SRPK2: variants seen among roughly 807,000 people sequenced by gnomAD.
SRPK2 encodes the protein SRSF protein kinase 2.
Under a neutral mutation model 90.8 loss-of-function variants are expected in SRPK2, and 21 were observed. That is an observed-to-expected ratio of 0.23 (90% CI 0.16 to 0.33). The LOEUF (loss-of-function observed/expected upper bound fraction) is 0.33. Ranked by LOEUF, SRPK2 falls within the 10% of genes least tolerant of loss-of-function variation. The pLI, the probability that SRPK2 is intolerant of heterozygous loss-of-function variation, is 1.00. For synonymous variants in SRPK2, 288 were observed against 311.1 expected, an observed-to-expected ratio of 0.93 and a Z score of 0.78; for missense variants, 620 against 869.0, an observed-to-expected ratio of 0.71 and a Z score of 3.60.
intron 2 of SRPK2, chr7:105,244,743 G>A: frequency 9.2e-7 from 1 of 1,089,434 alleles, no homozygotes; most frequent in Non-Finnish European, 1.4e-6. Context: ...CGCCGCCGCG[G>A]GCGTCTGACC....
chr7:105,207,343 T>C (rs1393055736), intron 2 of SRPK2, among the ~76,000 whole-genome samples: 1 of 152,096 alleles, frequency 6.6e-6, no homozygotes, highest in Non-Finnish European at 1.5e-5. Context: ...GCTTCTAGAG[T>C]ACTGCAAAGC....
chr7:105,213,326 T>C (rs1013959100), intron 2 of SRPK2, among the ~76,000 whole-genome samples: 6 of 152,182 alleles, frequency 3.9e-5, no homozygotes, highest in Non-Finnish European at 8.8e-5. Context: ...TTGCTTGATA[T>C]ATAAAATCTA....
At chr7:105,241,549 A>G (rs953560882) in intron 2 of SRPK2, among the ~76,000 whole-genome samples, 2 of 152,196 alleles carry the variant, frequency 1.3e-5, no homozygotes, top group Non-Finnish European at 2.9e-5. Flanking sequence ...CATCTTTATT[A>G]TAAGGATAAG....
chr7:105,145,352 C>A (rs1457484138), intron 8 of SRPK2, 44 bp from the exon 9 acceptor site: 2 of 1,461,080 alleles, frequency 1.4e-6, no homozygotes, highest in South Asian at 1.3e-5. Context: ...AGAAAACAGA[C>A]ACATGCCTTC....
chr7:105,225,478 A>C lies in SRPK2; in HGVS notation c.72-21693T>G, dbSNP rs1176557529. 2.0e-5 allele frequency among the ~76,000 whole-genome samples: 3 copies of C among 152,172 alleles called. No homozygotes were observed. In the East Asian group the frequency reaches 5.8e-4, roughly 29 times the overall value. On this transcript the variant is annotated intron_variant, in intron 2 of 15. Transcript: ENST00000393651. The stretch of plus-strand genomic sequence containing the variant: ...TGAATGAAGTATGGCAGAGCTCCCA[A>C]ATCATTAGCCAGCCTCTCCAACAGA...
At chr7:105,229,186 G>A (rs1275662730) in intron 2 of SRPK2, among the ~76,000 whole-genome samples, 2 of 152,286 alleles carry the variant, frequency 1.3e-5, no homozygotes, top group South Asian at 2.1e-4. Context: ...TCCTTTGGCC[G>A]AGCAAGGTGG....
intron 3 of SRPK2, among the ~76,000 whole-genome samples, chr7:105,193,519 C>G (rs1334854278): frequency 6.6e-6 from 1 of 152,140 alleles, no homozygotes; most frequent in Non-Finnish European, 1.5e-5. Flanking sequence ...TATGCAGACT[C>G]TTTTTCGGTT....
At chr7:105,206,085 T>A (rs1585173490) in intron 2 of SRPK2, 1 of 490,492 alleles carries the variant, frequency 2.0e-6, no homozygotes, top group Admixed American at 2.1e-5. Flanking sequence ...TCGTGTGCAC[T>A]GTGGGATGCT....
intron 11 of SRPK2, among the ~76,000 whole-genome samples, chr7:105,138,167 A>G (rs1803165955): frequency 6.6e-6 from 1 of 152,246 alleles, no homozygotes; most frequent in Non-Finnish European, 1.5e-5. Context: ...GAAAGAGAAG[A>G]AGAATGTAAA....
rs1251899152 is a variant in SRPK2, at chr7:105,116,653, T to G, written c.*1185A>C. On this transcript the variant is annotated 3_prime_UTR_variant, in exon 16 of 16. Coordinates refer to ENST00000393651, the MANE Select transcript of SRPK2 (RefSeq NM_182692.3). ...GCCTACTATGGTTTGTATCCTGGAG[T>G]CTACAATTAATTTTAAGGAAATGCA... The G allele has an allele frequency of 2.0e-5, 3 of 152,574 alleles. No individual in the cohort carries two copies. Among genetic ancestry groups the G allele is most frequent in the Non-Finnish European group, 4.4e-5 (3 of 68,022 alleles). 9.5% of individuals were successfully genotyped at this position (152,574 alleles called of 1,614,324 possible). A position where few individuals can be genotyped will look rare whatever the true frequency, so the allele number is the denominator to read the frequency against.
At chr7:105,183,057 T>C (rs1313768626) in intron 3 of SRPK2, among the ~76,000 whole-genome samples, 1 of 152,184 alleles carries the variant, frequency 6.6e-6, no homozygotes, top group Non-Finnish European at 1.5e-5. Context: ...CCACAAACAT[T>C]TATGAAGTTA....
At chr7:105,303,448 A>C (rs964786934) in intron 2 of SRPK2, among the ~76,000 whole-genome samples, 3 of 151,988 alleles carry the variant, frequency 2.0e-5, no homozygotes, top group Non-Finnish European at 4.4e-5. Flanking sequence ...TGTACCCTAG[A>C]ACTTAAAGTA....
chr7:105,139,194 C>T (rs754896197), intron 11 of SRPK2, among the ~76,000 whole-genome samples: 1 of 152,096 alleles, frequency 6.6e-6, no homozygotes, highest in Non-Finnish European at 1.5e-5. Flanking sequence ...ATCGGGTGAG[C>T]ATACTGCAAA....
At chr7:105,286,446 C>T (rs1473407662) in intron 2 of SRPK2, among the ~76,000 whole-genome samples, 1 of 152,062 alleles carries the variant, frequency 6.6e-6, no homozygotes, top group Non-Finnish European at 1.5e-5. Context: ...AAATTTTTTG[C>T]TATATTTGAC....
chr7:105,357,099 G>A (rs1395812196), intron 2 of SRPK2, among the ~76,000 whole-genome samples: 11 of 150,820 alleles, frequency 7.3e-5, no homozygotes, highest in Admixed American at 5.3e-4. Context: ...GCAGTGGTGC[G>A]ATCTCGGCCT....
In SRPK2 at chr7:105,150,749, T is replaced by C. The variant is rs562053219; in HGVS notation, c.622-4091A>G. 2.0e-5 allele frequency among the ~76,000 whole-genome samples: 3 copies of C among 152,332 alleles called. No homozygotes were observed. In the East Asian group the frequency reaches 5.8e-4, roughly 29 times the overall value. On this transcript the variant is annotated intron_variant, in intron 7 of 15. Transcript: ENST00000393651. ...CTGAAAAGTACAAGAAATTAATGGA[T>C]AGGCACATTGATGATGTCCAGCCCA...
intron 2 of SRPK2, among the ~76,000 whole-genome samples, chr7:105,330,008 C>G (rs1043539010): frequency 2.0e-5 from 3 of 152,062 alleles, no homozygotes; most frequent in Admixed American, 6.6e-5. Context: ...GCACTCCAAC[C>G]TGGGCAACAG....
At chr7:105,274,031 T>C (rs968392997) in intron 2 of SRPK2, among the ~76,000 whole-genome samples, 2 of 152,200 alleles carry the variant, frequency 1.3e-5, no homozygotes, top group African/African-American at 4.8e-5. Flanking sequence ...ACATTCTTCA[T>C]CTTCTCCAGA....
chr7:105,397,545 G>A (rs981036299), intron 1 of SRPK2, among the ~76,000 whole-genome samples: 1 of 151,848 alleles, frequency 6.6e-6, no homozygotes, highest in Non-Finnish European at 1.5e-5. Flanking sequence ...GGCGAGGCTG[G>A]TCTCGAACTC....
Sources: gnomAD v4.1 joint callset for allele counts (sites outside exome capture counted in the v4.1 genomes callset) on GRCh38, gnomAD v4.1.1 for gene constraint, MANE v1.5 for transcripts, NCBI Gene and HGNC (gene_info 2026-07-23, HGNC 2026-07-21) for gene names.